Variants in PRKN observed in about 807,000 individuals in gnomAD.
The protein encoded by PRKN is E3 ubiquitin-protein ligase parkin.
In PRKN, 56 loss-of-function variants were observed where a neutral mutation model predicts 59.5. That is an observed-to-expected ratio of 0.94 (90% confidence interval 0.76 to 1.18). The LOEUF (loss-of-function observed/expected upper bound fraction) is 1.18, where lower values mean the gene tolerates loss of function less well. Among genes scored for constraint, PRKN ranks in the 50% most tolerant of loss-of-function variants. The pLI is 0.00. For missense variants in PRKN, 657 were observed against 596.4 expected (o/e 1.10, Z -1.06); for synonymous variants, 250 against 222.1 (o/e 1.13, Z -1.12).
chr6:162,485,579 C>G (rs1954801), intron 1 of PRKN, among the ~76,000 whole-genome samples: 33,763 of 152,156 alleles, frequency 0.22, 4,533 homozygotes, highest in African/African-American at 0.37. Flanking sequence ...ATTTATCTTC[C>G]TCTCCACAAC....
At chr6:162,221,289 A>G (rs988014399) in intron 3 of PRKN, among the ~76,000 whole-genome samples, 8 of 152,158 alleles carry the variant, frequency 5.3e-5, no homozygotes, top group Admixed American at 1.3e-4. Context: ...CTGAATTTGC[A>G]GCAAAATGAA....
intron 7 of PRKN, among the ~76,000 whole-genome samples, chr6:161,650,332 TTC>T (rs1249127007): frequency 1.3e-5 from 2 of 152,308 alleles, no homozygotes; most frequent in East Asian, 3.9e-4. Flanking sequence ...CGATAAGGAA[TTC>T]TCTTTCCAGA....
At chr6:161,589,301 G>A (rs1215085850) in intron 7 of PRKN, among the ~76,000 whole-genome samples, 2 of 152,126 alleles carry the variant, frequency 1.3e-5, no homozygotes, top group Admixed American at 6.5e-5. Flanking sequence ...TGAGACGCCC[G>A]TATTTTAATT....
chr6:162,296,196 A>C (rs901812100), intron 2 of PRKN, among the ~76,000 whole-genome samples: 2 of 151,778 alleles, frequency 1.3e-5, no homozygotes, highest in Non-Finnish European at 2.9e-5. Context: ...AGTCGCCTTA[A>C]AACAGAATGT....
chr6:161,847,289 A>G (rs1793239930), intron 6 of PRKN, among the ~76,000 whole-genome samples: 1 of 152,128 alleles, frequency 6.6e-6, no homozygotes, highest in African/African-American at 2.4e-5. Context: ...GCCTGGTGAC[A>G]GAGCAAGACT....
chr6:161,512,889 A>C (rs933775673), intron 9 of PRKN, among the ~76,000 whole-genome samples: 5 of 152,220 alleles, frequency 3.3e-5, no homozygotes, highest in African/African-American at 1.2e-4. Context: ...CTGTAGGCTT[A>C]AGAAACAATA....
chr6:162,599,590 G>C (rs1242833957), intron 1 of PRKN, among the ~76,000 whole-genome samples: 1 of 152,154 alleles, frequency 6.6e-6, no homozygotes, highest in Admixed American at 6.6e-5. Flanking sequence ...GAAAGATCCT[G>C]TCAAGGCAGG....
chr6:161,988,630 AAAG>A (rs1177974065), intron 5 of PRKN, among the ~76,000 whole-genome samples: 1 of 152,174 alleles, frequency 6.6e-6, no homozygotes, highest in Non-Finnish European at 1.5e-5. Context: ...AAAAGCTAAA[AAAG>A]AAGAGTAAAA....
chr6:162,600,452 T>C (rs971594975), intron 1 of PRKN, among the ~76,000 whole-genome samples: 3 of 152,230 alleles, frequency 2.0e-5, no homozygotes, highest in Non-Finnish European at 4.4e-5. Context: ...ACAAGTCTTT[T>C]TGTGGACATA....
intron 6 of PRKN, among the ~76,000 whole-genome samples, chr6:161,966,472 C>A (rs1790001): frequency 0.34 from 51,605 of 151,958 alleles, 9,923 homozygotes; most frequent in South Asian, 0.51. Context: ...ATTCCGGTAT[C>A]CCTTTGGCTT....
chr6:161,917,807 G>T (rs1436844556), intron 6 of PRKN, among the ~76,000 whole-genome samples: 1 of 152,214 alleles, frequency 6.6e-6, no homozygotes, highest in Non-Finnish European at 1.5e-5. Context: ...AAGTAATATA[G>T]CAGGTGATTC....
chr6:162,066,820 C>T (rs1436424812), intron 4 of PRKN, among the ~76,000 whole-genome samples: 1 of 152,182 alleles, frequency 6.6e-6, no homozygotes, highest in Non-Finnish European at 1.5e-5. Flanking sequence ...ATCACTGATA[C>T]AGATCACATG....
In PRKN at chr6:161,386,769, G is replaced by A; in HGVS notation, c.1167+25C>T. The A allele has an allele frequency of 6.4e-7, 1 of 1,552,456 alleles. No homozygotes were observed. Among genetic ancestry groups the A allele is most frequent in the Non-Finnish European group, 8.9e-7 (1 of 1,123,918 alleles). ...CCCACTGTATCCGGAGCCCTGCTTGGAGGAATGAGTAGGGCATTCTGTACC... is the reference window on the plus strand; with the variant it reads ...CCCACTGTATCCGGAGCCCTGCTTGAAGGAATGAGTAGGGCATTCTGTACC... On this transcript the variant is annotated intron_variant, in intron 10 of 11. Coordinates refer to ENST00000366898, the MANE Select transcript of PRKN (RefSeq NM_004562.3). The surrounding 1 kb of genome is among the most constrained non-coding windows in gnomAD (Gnocchi z 4.3).
chr6:161,405,030 A>C lies in PRKN; in HGVS notation c.1084-18153T>G, dbSNP rs1233695431. 6.6e-6 allele frequency among the ~76,000 whole-genome samples: 1 copy of C among 152,184 alleles called. No homozygotes were observed. On this transcript the variant is annotated intron_variant, in intron 9 of 11. Transcript: ENST00000366898. This position sits in a 1 kb window ranked among gnomAD's most constrained non-coding sequence, Gnocchi z 5.1. Reference sequence around the variant, plus strand: ...GTTTAATGTTTTATATTTTCATTGAAGGCAGGAAGATAGACTAAATGATAA... The same window carrying C: ...GTTTAATGTTTTATATTTTCATTGACGGCAGGAAGATAGACTAAATGATAA...
intron 2 of PRKN, among the ~76,000 whole-genome samples, chr6:162,272,404 G>A (rs1178540684): frequency 6.6e-6 from 1 of 151,894 alleles, no homozygotes; most frequent in African/African-American, 2.4e-5. Context: ...TAAATATTAT[G>A]AACACTTTAA....
intron 6 of PRKN, among the ~76,000 whole-genome samples, chr6:161,892,789 T>G (rs1777458520): frequency 6.6e-6 from 1 of 152,220 alleles, no homozygotes; most frequent in Non-Finnish European, 1.5e-5. Flanking sequence ...ATGGTCATTT[T>G]GTGAAATTGG....
At chr6:162,124,454 C>CTAG (rs1394897680) in intron 4 of PRKN, among the ~76,000 whole-genome samples, 1 of 152,130 alleles carries the variant, frequency 6.6e-6, no homozygotes, top group African/African-American at 2.4e-5. Context: ...TGTAAAGAGC[C>CTAG]TAAGCCAGGG....
At chr6:161,367,248 TG>T (rs1292720659) in intron 10 of PRKN, among the ~76,000 whole-genome samples, 1 of 152,050 alleles carries the variant, frequency 6.6e-6, no homozygotes, top group African/African-American at 2.4e-5. Context: ...CCCAAAGTGC[TG>T]GGATTACAGG....
chr6:162,009,627 C>T (rs1163221336), intron 5 of PRKN, among the ~76,000 whole-genome samples: 1 of 151,776 alleles, frequency 6.6e-6, no homozygotes, highest in East Asian at 1.9e-4. Context: ...ACACAGGATG[C>T]ATGCAGTGAA....
Sources: gnomAD v4.1 joint callset for allele counts (sites outside exome capture counted in the v4.1 genomes callset) on GRCh38, gnomAD v4.1.1 for gene constraint, Gnocchi (gnomAD v3.1) non-coding constraint, MANE v1.5 for transcripts, NCBI Gene and HGNC (gene_info 2026-07-23, HGNC 2026-07-21) for gene names.